CCDC169: variants seen among roughly 807,000 people sequenced by gnomAD.
CCDC169 encodes the protein coiled-coil domain-containing protein 169.
In CCDC169, 30 loss-of-function variants were observed where a neutral mutation model predicts 36.0. The observed-to-expected ratio is 0.83, with a 90% CI of 0.62 to 1.13. CCDC169 has a LOEUF of 1.13. CCDC169 is among the 50% of genes most tolerant of loss of function. The probability of loss-of-function intolerance (pLI) is 0.00; values close to 1 mark genes in which losing one functional copy is unlikely to be tolerated. For missense variants in CCDC169, 245 were observed against 245.9 expected (o/e 1.00, Z 0.03); for synonymous variants, 85 against 81.5 (o/e 1.04, Z -0.23).
At chr13:36,253,338 T>C (rs1281580869) in intron 6 of CCDC169, among the ~76,000 whole-genome samples, 1 of 106,894 alleles carries the variant, frequency 9.4e-6, no homozygotes, top group African/African-American at 4.7e-5. Flanking sequence ...ATGTCCTTTT[T>C]ACTTTTTTTT....
chr13:36,295,900 A>C, intron 1 of CCDC169, 43 bp from the exon 2 acceptor site: 1 of 1,142,216 alleles, frequency 8.8e-7, no homozygotes, highest in Non-Finnish European at 1.3e-6. Context: ...TCAATTAAAA[A>C]TAACATCAGA....
chr13:36,283,734 C>T (rs1461356535), intron 2 of CCDC169, 32 bp from the exon 3 acceptor site: 7 of 1,396,784 alleles, frequency 5.0e-6, no homozygotes, highest in Non-Finnish European at 6.9e-6. Flanking sequence ...CAATCAAGAT[C>T]ACCCCACCAC....
At chr13:36,271,757 G>A (rs967984321) in intron 4 of CCDC169, among the ~76,000 whole-genome samples, 3 of 152,080 alleles carry the variant, frequency 2.0e-5, no homozygotes, top group East Asian at 1.9e-4. Context: ...GATGCAGAAG[G>A]GGGTGGCTGG....
intron 4 of CCDC169, among the ~76,000 whole-genome samples, chr13:36,279,169 A>T (rs1467108604): frequency 6.6e-6 from 1 of 151,520 alleles, no homozygotes; most frequent in Non-Finnish European, 1.5e-5. Flanking sequence ...CTCTGATTCA[A>T]TTCTAACCCA....
intron 7 of CCDC169, among the ~76,000 whole-genome samples, chr13:36,233,010 A>C (rs973703767): frequency 2.0e-5 from 3 of 152,304 alleles, no homozygotes. Flanking sequence ...AAAGGCCTGA[A>C]AAGGCCCTAA....
intron 6 of CCDC169, among the ~76,000 whole-genome samples, chr13:36,249,093 T>G (rs1405320413): frequency 6.6e-6 from 1 of 152,222 alleles, no homozygotes; most frequent in African/African-American, 2.4e-5. Context: ...TTTGCCTATC[T>G]TGAAATTCCT....
intron 2 of CCDC169, among the ~76,000 whole-genome samples, chr13:36,289,247 C>A (rs1428323760): frequency 1.3e-5 from 2 of 152,246 alleles, no homozygotes; most frequent in East Asian, 3.9e-4. Context: ...CTTTTTCTCC[C>A]CCTGAGAAGG....
chr13:36,280,353 G>A (rs1027191249), intron 4 of CCDC169: 1 of 152,106 alleles, frequency 6.6e-6, no homozygotes, highest in African/African-American at 2.4e-5. Context: ...AGAATATGGA[G>A]TTGTTTGCCA....
intron 4 of CCDC169, among the ~76,000 whole-genome samples, chr13:36,255,598 G>C (rs546617686): frequency 6.6e-6 from 1 of 150,774 alleles, no homozygotes; most frequent in South Asian, 2.1e-4. Context: ...AGGAGGCAGA[G>C]GTTGCAGTGA....
At chr13:36,293,692 C>T (rs1879167738) in intron 2 of CCDC169, among the ~76,000 whole-genome samples, 1 of 152,104 alleles carries the variant, frequency 6.6e-6, no homozygotes, top group African/African-American at 2.4e-5. Flanking sequence ...AGCTGAGCTT[C>T]CAGTCAAAAG....
chr13:36,254,238 C>T, intron 4 of CCDC169, 95 bp from the exon 5 acceptor site: 1 of 737,366 alleles, frequency 1.4e-6, no homozygotes, highest in Middle Eastern at 4.3e-4. Context: ...GCCTTGTATA[C>T]CTAATATTTT....
chr13:36,234,128 C>G (rs750639605), intron 7 of CCDC169, among the ~76,000 whole-genome samples: 1 of 152,196 alleles, frequency 6.6e-6, no homozygotes, highest in African/African-American at 2.4e-5. Flanking sequence ...TCTAAGCCCC[C>G]ACTCTTTCTG....
intron 4 of CCDC169, among the ~76,000 whole-genome samples, chr13:36,268,242 A>AT: frequency 6.6e-6 from 1 of 152,314 alleles, no homozygotes; most frequent in South Asian, 2.1e-4. Context: ...ATCTCAATAA[A>AT]TTTTTTAAAA....
intron 2 of CCDC169, among the ~76,000 whole-genome samples, chr13:36,286,810 A>G (rs181933587): frequency 6.6e-6 from 1 of 152,202 alleles, no homozygotes; most frequent in Non-Finnish European, 1.5e-5. Flanking sequence ...GGCTCTCCCT[A>G]AGAGGAGATA....
chr13:36,227,526 T>C, downstream of CCDC169: 1 of 853,722 alleles, frequency 1.2e-6, no homozygotes, highest in Non-Finnish European at 1.6e-6. Context: ...AAAAGCTCTA[T>C]ACCCAGTGAT....
In CCDC169 at chr13:36,260,226, C is replaced by G. The variant is rs564489820; in HGVS notation, c.316-6083G>C. 3.0e-4 allele frequency among the ~76,000 whole-genome samples: 46 copies of G among 152,264 alleles called. No homozygotes were observed. In the South Asian group the frequency reaches 3.3e-3, roughly 11 times the overall value. On this transcript the variant is annotated intron_variant, in intron 4 of 7. Coordinates refer to ENST00000239859, the MANE Select transcript of CCDC169 (RefSeq NM_001144981.3). Reference sequence around the variant, plus strand: ...CCAGGTAAAATGACTCCAAAGGCAACAGAGGGTAAACAATTATTATATGTG... The same window carrying G: ...CCAGGTAAAATGACTCCAAAGGCAAGAGAGGGTAAACAATTATTATATGTG...
In CCDC169 at chr13:36,246,358, C is replaced by G. The variant is rs563157167; in HGVS notation, c.545+2248G>C. 1.1e-3 allele frequency among the ~76,000 whole-genome samples: 168 copies of G among 152,320 alleles called. 1 individual carries two copies. Among genetic ancestry groups the G allele is most frequent in the Admixed American group, 2.2e-3 (34 of 15,302 alleles). On this transcript the variant is annotated intron_variant, in intron 7 of 7. Transcript: ENST00000239859. The stretch of plus-strand genomic sequence containing the variant: ...TAAAAGCACCACTCTAGTGAACACA[C>G]AAATGATAAGGAAGCAAAACAGCTT...
chr13:36,244,849 G>C (rs998242854), intron 7 of CCDC169, among the ~76,000 whole-genome samples: 2 of 83,584 alleles, frequency 2.4e-5, no homozygotes, highest in Non-Finnish European at 4.6e-5. Context: ...AGTGGTCTTG[G>C]GGACTCTGAC....
chr13:36,250,170 G>A (rs1193436293), intron 6 of CCDC169, among the ~76,000 whole-genome samples: 1 of 152,132 alleles, frequency 6.6e-6, no homozygotes, highest in African/African-American at 2.4e-5. Context: ...CCACATGGAA[G>A]AGCAGCCAAT....
Sources: gnomAD v4.1 joint callset for allele counts (sites outside exome capture counted in the v4.1 genomes callset) on GRCh38, gnomAD v4.1.1 for gene constraint, MANE v1.5 for transcripts, NCBI Gene and HGNC (gene_info 2026-07-23, HGNC 2026-07-21) for gene names.